Variants in ADAMTSL1 observed in about 807,000 individuals in gnomAD.
ADAMTSL1 encodes the protein ADAMTS-like protein 1.
In ADAMTSL1, 126 loss-of-function variants were observed where a neutral mutation model predicts 201.8. That is an observed-to-expected ratio of 0.62 (90% confidence interval 0.54 to 0.72). The LOEUF is 0.72. ADAMTSL1 is among the 30% of genes least tolerant of loss of function. The pLI is 0.00. For missense variants in ADAMTSL1, 2,679 were observed against 2,277.8 expected (o/e 1.18, Z -3.59); for synonymous variants, 1,121 against 903.4 (o/e 1.24, Z -4.32).
chr9:18,734,747 A>G (rs996679390), intron 15 of ADAMTSL1, among the ~76,000 whole-genome samples: 3 of 152,134 alleles, frequency 2.0e-5, no homozygotes, highest in African/African-American at 7.2e-5. Flanking sequence ...AGCTGGTAAA[A>G]TATTTTTTCT....
intron 1 of ADAMTSL1, among the ~76,000 whole-genome samples, chr9:18,048,834 C>G (rs777032079): frequency 6.6e-6 from 1 of 152,136 alleles, no homozygotes; most frequent in African/African-American, 2.4e-5. Flanking sequence ...ATGTCTATTA[C>G]TCAGGGCTGC....
chr9:18,126,885 A>T (rs1026696162), intron 1 of ADAMTSL1, among the ~76,000 whole-genome samples: 3 of 152,188 alleles, frequency 2.0e-5, no homozygotes, highest in Admixed American at 6.5e-5. Flanking sequence ...CAGTATGAGA[A>T]GATAGAGGGA....
chr9:18,298,482 C>A (rs1204944733), intron 2 of ADAMTSL1, among the ~76,000 whole-genome samples: 3 of 152,164 alleles, frequency 2.0e-5, no homozygotes, highest in Non-Finnish European at 2.9e-5. Flanking sequence ...GAAACATAAT[C>A]TCTGGTCCAG....
intron 1 of ADAMTSL1, among the ~76,000 whole-genome samples, chr9:17,929,413 T>C (rs1826688620): frequency 6.6e-6 from 1 of 152,114 alleles, no homozygotes. Flanking sequence ...TTTGGGGGCA[T>C]TATTGCCCCC....
At chr9:18,463,311 T>C (rs185358975) in intron 2 of ADAMTSL1, among the ~76,000 whole-genome samples, 1 of 151,910 alleles carries the variant, frequency 6.6e-6, no homozygotes, top group African/African-American at 2.4e-5. Flanking sequence ...TGAGATTGCT[T>C]TTACATAAGT....
intron 7 of ADAMTSL1, among the ~76,000 whole-genome samples, chr9:18,643,798 G>C (rs371032081): frequency 6.6e-6 from 1 of 151,912 alleles, no homozygotes; most frequent in Non-Finnish European, 1.5e-5. Context: ...AGTAGATTTT[G>C]AAATCAGGTC....
intron 2 of ADAMTSL1, among the ~76,000 whole-genome samples, chr9:18,302,766 T>C (rs533980282): frequency 6.6e-6 from 1 of 152,358 alleles, no homozygotes; most frequent in Non-Finnish European, 1.5e-5. Flanking sequence ...CATAAGGATC[T>C]TTTAAATTTT....
intron 23 of ADAMTSL1, among the ~76,000 whole-genome samples, chr9:18,884,015 C>G (rs1200945478): frequency 6.6e-6 from 1 of 152,118 alleles, no homozygotes; most frequent in Non-Finnish European, 1.5e-5. Flanking sequence ...AACAGCTGTT[C>G]CATTTTATAT....
intron 16 of ADAMTSL1, among the ~76,000 whole-genome samples, chr9:18,766,699 C>T (rs1300050799): frequency 2.0e-5 from 3 of 152,134 alleles, no homozygotes; most frequent in African/African-American, 7.2e-5. Flanking sequence ...TAGCTGTGTC[C>T]TCCACATGAT....
chr9:18,212,240 T>C (rs994223812), intron 2 of ADAMTSL1, among the ~76,000 whole-genome samples: 11 of 152,160 alleles, frequency 7.2e-5, no homozygotes, highest in African/African-American at 2.7e-4. Flanking sequence ...TTTGGGTTGA[T>C]TGAACAGCAA....
intron 2 of ADAMTSL1, chr9:18,362,339 T>A (rs1384230937): frequency 6.6e-6 from 1 of 152,250 alleles, no homozygotes; most frequent in African/African-American, 2.4e-5. Context: ...AAATATCACA[T>A]ATGTCTAGTA....
chr9:18,596,698 G>C (rs1451934856), intron 4 of ADAMTSL1, among the ~76,000 whole-genome samples: 1 of 152,132 alleles, frequency 6.6e-6, no homozygotes. Context: ...GGTTATGAGA[G>C]ATTTTGTATT....
intron 1 of ADAMTSL1, among the ~76,000 whole-genome samples, chr9:18,060,951 A>T (rs555981230): frequency 7.9e-5 from 12 of 152,334 alleles, no homozygotes; most frequent in Admixed American, 3.9e-4. Flanking sequence ...GTACTATGTC[A>T]TATAACTAGA....
intron 2 of ADAMTSL1, among the ~76,000 whole-genome samples, chr9:18,359,771 T>A (rs933129692): frequency 2.7e-5 from 4 of 150,794 alleles, no homozygotes; most frequent in African/African-American, 9.7e-5. Context: ...TATTAAAGTG[T>A]TGGCATTACC....
At chr9:18,453,445 G>T (rs1820489468) in intron 2 of ADAMTSL1, among the ~76,000 whole-genome samples, 1 of 151,960 alleles carries the variant, frequency 6.6e-6, no homozygotes, top group African/African-American at 2.4e-5. Context: ...CTTAGCAAAT[G>T]GTCACTTGGC....
At chr9:17,938,837 G>C (rs558828216) in intron 1 of ADAMTSL1, among the ~76,000 whole-genome samples, 5 of 152,214 alleles carry the variant, frequency 3.3e-5, no homozygotes, top group African/African-American at 9.6e-5. Context: ...TGTGTTTCCT[G>C]ACTTTCCATG....
At chr9:18,029,260 C>T (rs888184502) in intron 1 of ADAMTSL1, among the ~76,000 whole-genome samples, 23 of 151,978 alleles carry the variant, frequency 1.5e-4, no homozygotes, top group African/African-American at 5.3e-4. Context: ...TTTCCTTCTC[C>T]TGCCTCATTG....
At chr9:18,581,499 T>G (rs1564066162) in intron 4 of ADAMTSL1, among the ~76,000 whole-genome samples, 2 of 152,138 alleles carry the variant, frequency 1.3e-5, no homozygotes, top group Non-Finnish European at 2.9e-5. Context: ...TCCCAAAAGT[T>G]TTAACCCATT....
chr9:18,450,411 T>C (rs1336763266), intron 2 of ADAMTSL1, among the ~76,000 whole-genome samples: 2 of 152,244 alleles, frequency 1.3e-5, no homozygotes, highest in African/African-American at 4.8e-5. Context: ...CAAATTTAGC[T>C]CACTCAATTA....
Sources: gnomAD v4.1 joint callset for allele counts (sites outside exome capture counted in the v4.1 genomes callset) on GRCh38, gnomAD v4.1.1 for gene constraint, MANE v1.5 for transcripts, NCBI Gene and HGNC (gene_info 2026-07-23, HGNC 2026-07-21) for gene names.